Variants in MYO3B observed in about 807,000 individuals in gnomAD.
The protein encoded by MYO3B is myosin IIIB.
A neutral mutation model predicts 174.6 loss-of-function variants in MYO3B; 156 were observed. The observed-to-expected ratio is 0.89, with a 90% confidence interval of 0.78 to 1.02. MYO3B has a LOEUF of 1.02. Ranked by LOEUF, MYO3B falls within the 50% of genes least tolerant of loss-of-function variation. The pLI, the probability that MYO3B is intolerant of heterozygous loss-of-function variation, is 0.00. For missense variants in MYO3B, 1,632 were observed against 1,639.4 expected, an observed-to-expected ratio of 1.00 and a Z score of 0.08; for synonymous variants, 563 against 569.1, an observed-to-expected ratio of 0.99 and a Z score of 0.15.
At chr2:170,623,620 T>G (rs1187720100) in intron 32 of MYO3B, among the ~76,000 whole-genome samples, 2 of 152,224 alleles carry the variant, frequency 1.3e-5, no homozygotes, top group African/African-American at 2.4e-5. Context: ...GCCATTGCTT[T>G]TGGTGTTTTA....
chr2:170,506,056 G>C (rs759886772), intron 28 of MYO3B, among the ~76,000 whole-genome samples: 1 of 152,294 alleles, frequency 6.6e-6, no homozygotes, highest in East Asian at 1.9e-4. Context: ...GATGCTCTTT[G>C]GGGAGAGTGC....
chr2:170,542,327 G>A (rs1390016022), intron 30 of MYO3B, among the ~76,000 whole-genome samples: 1 of 152,168 alleles, frequency 6.6e-6, no homozygotes, highest in African/African-American at 2.4e-5. Flanking sequence ...GTTCCATGAA[G>A]CATTAGGATT....
At chr2:170,343,401 C>T (rs887265050) in intron 8 of MYO3B, 6 of 151,760 alleles carry the variant, frequency 4.0e-5, no homozygotes, top group African/African-American at 1.5e-4. Context: ...CCATTGCACT[C>T]TAGCCTGAAT....
chr2:170,409,916 T>G (rs2094534605), intron 22 of MYO3B, among the ~76,000 whole-genome samples: 1 of 152,220 alleles, frequency 6.6e-6, no homozygotes, highest in Admixed American at 6.5e-5. Context: ...ATAGTCTATA[T>G]TTTTGGGGGT....
At chr2:170,491,643 T>C (rs149814733) in intron 25 of MYO3B, among the ~76,000 whole-genome samples, 235 of 152,294 alleles carry the variant, frequency 1.5e-3, no homozygotes, top group African/African-American at 4.1e-3. Context: ...GCCAGGACGG[T>C]CTCAATCTCC....
At chr2:170,543,751 C>CA in intron 31 of MYO3B, 141 bp from the exon 32 acceptor site, 1 of 511,816 alleles carries the variant, frequency 2.0e-6, no homozygotes, top group Non-Finnish European at 3.4e-6. Flanking sequence ...AAGATGGGAG[C>CA]AACTTACAAA....
rs1417068690 is a variant in MYO3B at position 170,383,715 on chromosome 2, CA to C, written c.1192del (p.Arg398AspfsTer6). On this transcript the variant is annotated frameshift_variant, in exon 12 of 35. Coordinates refer to ENST00000408978, the MANE Select transcript of MYO3B (RefSeq NM_138995.5). LOFTEE classifies it high-confidence loss of function. ...NLSIYSPQFS[R>X]LYHGVKRASN... Reference sequence around the variant, plus strand: ...TTTAATTATTTTTCCTTCAGTTTTCCAGACTTTATCATGGGGTGAAACGCGC... The same window carrying C: ...TTTAATTATTTTTCCTTCAGTTTTCCGACTTTATCATGGGGTGAAACGCGC... The C allele has an allele frequency of 6.2e-7, 1 of 1,612,702 alleles. No individual in the cohort carries two copies. Among genetic ancestry groups the C allele is most frequent in the Non-Finnish European group, 8.5e-7 (1 of 1,178,948 alleles).
intron 33 of MYO3B, 31 bp downstream of exon 33, chr2:170,651,765 A>T: frequency 1.3e-6 from 2 of 1,569,816 alleles, no homozygotes; most frequent in Non-Finnish European, 1.8e-6. Context: ...AAGCTGTTTC[A>T]CTGGCTTTGT....
chr2:170,407,801 C>T lies in MYO3B; in HGVS notation c.2607C>T (p.Asn869=). Residue 869 remains asparagine, a synonymous_variant, in exon 22 of 35, where the codon AAC becomes AAT. Coordinates refer to ENST00000408978, the MANE Select transcript of MYO3B (RefSeq NM_138995.5). ...TTGTGGTCCTGAGAACGTCAGAAAA[C>T]AAGCTTCTTCAGCAGCTCTTCTCAA... ...DVVVVLRTSE[N]KLLQQLFSIP... The T allele has an allele frequency of 1.2e-6, 2 of 1,614,042 alleles. No individual in the cohort carries two copies. Among genetic ancestry groups the T allele is most frequent in the East Asian group, 2.2e-5 (1 of 44,874 alleles).
intron 7 of MYO3B, among the ~76,000 whole-genome samples, chr2:170,270,623 G>GTTGCC (rs1272590781): frequency 1.3e-4 from 20 of 152,234 alleles, no homozygotes; most frequent in African/African-American, 4.8e-4. Context: ...TCCTGTCCTT[G>GTTGCC]CTGCCCTGCC....
rs2094795689 is a variant in MYO3B at position 170,440,897 on chromosome 2, G to T, written c.2651-3070G>T. Among the ~76,000 whole-genome samples, 2 of 147,502 alleles carry T rather than the reference G, an allele frequency of 1.4e-5. 1 individual carries two copies. The highest frequency in any genetic ancestry group is 4.5e-4 in the South Asian group (2 of 4,438). On this transcript the variant is annotated intron_variant, in intron 22 of 34. Transcript: ENST00000408978. ...GTTCACTGCAACCTCCGCCTCCTGG[G>T]TTCAAGTGATTCTCCTGCCTCAGCC...
intron 32 of MYO3B, among the ~76,000 whole-genome samples, chr2:170,558,855 T>G (rs1691522798): frequency 6.6e-6 from 1 of 152,232 alleles, no homozygotes; most frequent in Non-Finnish European, 1.5e-5. Flanking sequence ...CAAGTTAACT[T>G]AATCTCCCTA....
intron 12 of MYO3B, chr2:170,385,987 C>A: frequency 2.4e-6 from 1 of 423,932 alleles, no homozygotes; most frequent in Non-Finnish European, 4.2e-6. Context: ...ACAGATTAAA[C>A]AGATTATGGT....
At chr2:170,455,969 G>A (rs1363241023) in intron 23 of MYO3B, among the ~76,000 whole-genome samples, 1 of 152,100 alleles carries the variant, frequency 6.6e-6, no homozygotes, top group Non-Finnish European at 1.5e-5. Context: ...GGGGCCAAGG[G>A]AAGACTTCCT....
intron 32 of MYO3B, among the ~76,000 whole-genome samples, chr2:170,632,858 CTATGCAAA>C (rs1271425529): frequency 1.3e-5 from 2 of 152,178 alleles, no homozygotes; most frequent in Non-Finnish European, 2.9e-5. Context: ...ATAAACACCT[CTATGCAAA>C]TAAACTAGAA....
chr2:170,606,165 C>T (rs1288301690), intron 32 of MYO3B, among the ~76,000 whole-genome samples: 2 of 152,078 alleles, frequency 1.3e-5, no homozygotes, highest in African/African-American at 2.4e-5. Flanking sequence ...TAATCTGCTT[C>T]GTGTCTTTTT....
At chr2:170,612,770 T>C (rs1410153222) in intron 32 of MYO3B, among the ~76,000 whole-genome samples, 1 of 152,202 alleles carries the variant, frequency 6.6e-6, no homozygotes, top group Non-Finnish European at 1.5e-5. Flanking sequence ...ACCATGCTTG[T>C]GAACTAGAGA....
intron 7 of MYO3B, among the ~76,000 whole-genome samples, chr2:170,255,097 T>C (rs1033414906): frequency 6.6e-6 from 1 of 152,132 alleles, no homozygotes; most frequent in African/African-American, 2.4e-5. Flanking sequence ...CCTTGACTCA[T>C]TGCATCACCA....
chr2:170,627,072 G>A (rs1171859170), intron 32 of MYO3B, among the ~76,000 whole-genome samples: 1 of 151,930 alleles, frequency 6.6e-6, no homozygotes, highest in African/African-American at 2.4e-5. Context: ...GGTGTTCTCT[G>A]TATTTCCTGA....
Sources: gnomAD v4.1 joint callset for allele counts (sites outside exome capture counted in the v4.1 genomes callset) on GRCh38, gnomAD v4.1.1 for gene constraint, MANE v1.5 for transcripts, NCBI Gene and HGNC (gene_info 2026-07-23, HGNC 2026-07-21) for gene names.